PITPNM3: variants seen among roughly 807,000 people sequenced by gnomAD.
PITPNM3 encodes the protein membrane-associated phosphatidylinositol transfer protein 3.
A neutral mutation model predicts 102.0 loss-of-function variants in PITPNM3; 26 were observed. That is an observed-to-expected ratio of 0.25 (90% confidence interval 0.19 to 0.35). PITPNM3 has a LOEUF of 0.35. Ranked by LOEUF, PITPNM3 falls within the 10% of genes least tolerant of loss-of-function variation. The probability of loss-of-function intolerance (pLI) is 1.00; values close to 1 mark genes in which losing one functional copy is unlikely to be tolerated. For synonymous variants in PITPNM3, 578 were observed against 558.6 expected (o/e 1.03, Z -0.49); for missense variants, 1,083 against 1,346.1 (o/e 0.80, Z 3.06).
Position 6,477,095 on chromosome 17 carries a change from C to T in PITPNM3, c.1019G>A (p.Arg340Gln), listed in dbSNP as rs144563288. 9.3e-6 allele frequency: 15 copies of T among 1,613,992 alleles called. No homozygotes were observed. Among genetic ancestry groups the T allele is most frequent in the African/African-American group, 6.7e-5 (5 of 74,896 alleles). ...EDEEPKRPLP[R>Q]KQSDSSTYDC... ...ATAGGTGGAGGAGTCGCTCTGTTTC[C>T]GCGGCAACGGCCTCTTGGGCTCCTC... is the stretch of plus-strand genomic sequence containing the variant. The change falls in exon 9 of 20, where the codon CGG becomes CAG. Residue 340 changes from arginine (R) to glutamine (Q), a missense_variant. By Grantham distance (43) the Arg-to-Gln change is conservative. Around this residue, in one of 5 missense-constraint regions of PITPNM3, gnomAD observed 172 missense variants for 175.6 expected, o/e 0.98. Coordinates refer to ENST00000262483, the MANE Select transcript of PITPNM3 (RefSeq NM_031220.4).
intron 4 of PITPNM3, among the ~76,000 whole-genome samples, chr17:6,499,490 A>G (rs1456692004): frequency 6.6e-6 from 1 of 152,200 alleles, no homozygotes; most frequent in African/African-American, 2.4e-5. Flanking sequence ...AGGCAGCCGC[A>G]GGACCAGTAG....
intron 4 of PITPNM3, among the ~76,000 whole-genome samples, chr17:6,501,260 A>T (rs1002802954): frequency 3.9e-5 from 6 of 152,130 alleles, no homozygotes; most frequent in Non-Finnish European, 7.4e-5. Flanking sequence ...GAATGGGGTG[A>T]CACCCCTATA....
Position 6,457,554 on chromosome 17 carries a change from T to G in PITPNM3, c.2619+40A>C. ...ACTCCCTCTATCCCTTTCCCTGACC[T>G]CCCTCACAACTCCCCGCCTCCAGCC... On this transcript the variant is annotated intron_variant, in intron 19 of 19. Coordinates refer to ENST00000262483, the MANE Select transcript of PITPNM3 (RefSeq NM_031220.4). The surrounding 1 kb of genome is among the most constrained non-coding windows in gnomAD (Gnocchi z 4.7). 1 of 1,612,636 alleles carries G rather than the reference T, an allele frequency of 6.2e-7. No individual in the cohort carries two copies. Among genetic ancestry groups the G allele is most frequent in the Non-Finnish European group, 8.5e-7 (1 of 1,179,472 alleles).
At chr17:6,554,923 C>T (rs1276321282) in intron 1 of PITPNM3, among the ~76,000 whole-genome samples, 1 of 152,208 alleles carries the variant, frequency 6.6e-6, no homozygotes, top group Non-Finnish European at 1.5e-5. Flanking sequence ...ACTGCCGTTG[C>T]GATGACAGTG....
In PITPNM3 at chr17:6,553,833, G is replaced by A. The variant is rs574566729; in HGVS notation, c.22+2552C>T. ...GCAGGTGGTACTGAACAGCCACCCC[G>A]CTCTCTATGTTCTCCTTGGGCCTCA... On this transcript the variant is annotated intron_variant, in intron 1 of 19. Transcript: ENST00000262483. Among the ~76,000 whole-genome samples the A allele has an allele frequency of 5.9e-5, 9 of 151,936 alleles. No individual in the cohort carries two copies. The South Asian group carries it at 6.3e-4, about 11-fold the overall frequency.
chr17:6,451,644 G>A lies in PITPNM3; in HGVS notation c.*3694C>T, dbSNP rs919949015. On this transcript the variant is annotated 3_prime_UTR_variant, in exon 20 of 20. Transcript: ENST00000262483. Reference sequence around the variant, plus strand: ...TGGCCTGCCCCCCCTCGGGTCACCTGTTTCTCCTTTGCCCCAAAGAGGGTG... The same window carrying A: ...TGGCCTGCCCCCCCTCGGGTCACCTATTTCTCCTTTGCCCCAAAGAGGGTG... 3.3e-5 allele frequency: 5 copies of A among 152,236 alleles called. No homozygotes were observed. The highest frequency in any genetic ancestry group is 1.2e-4 in the African/African-American group (5 of 41,394). 9.4% of individuals were successfully genotyped at this position (152,236 alleles called of 1,614,324 possible).
At chr17:6,551,273 C>G (rs912915198) in intron 1 of PITPNM3, among the ~76,000 whole-genome samples, 6 of 151,876 alleles carry the variant, frequency 4.0e-5, no homozygotes, top group African/African-American at 1.5e-4. Context: ...GGGAGAATGG[C>G]GTGAACCCGG....
At chr17:6,488,076 C>T (rs894514175) in intron 4 of PITPNM3, among the ~76,000 whole-genome samples, 4 of 152,128 alleles carry the variant, frequency 2.6e-5, no homozygotes, top group Non-Finnish European at 5.9e-5. Flanking sequence ...CCAGAGCTTC[C>T]CCACAGAAAG....
chr17:6,462,936 T>C (rs1478773005), intron 17 of PITPNM3, among the ~76,000 whole-genome samples: 2 of 152,066 alleles, frequency 1.3e-5, no homozygotes, highest in East Asian at 3.9e-4. Flanking sequence ...GGGAGGATCA[T>C]GGACCCCCAG....
chr17:6,486,302 G>C (rs956151193), intron 4 of PITPNM3, among the ~76,000 whole-genome samples: 3 of 152,126 alleles, frequency 2.0e-5, no homozygotes, highest in Non-Finnish European at 4.4e-5. Flanking sequence ...AGATGAAGAT[G>C]GTCCTTGCCT....
intron 4 of PITPNM3, among the ~76,000 whole-genome samples, chr17:6,485,875 A>T (rs775345981): frequency 1.3e-5 from 2 of 152,266 alleles, no homozygotes; most frequent in Non-Finnish European, 1.5e-5. Context: ...TTATTGGAAC[A>T]CACTCAGGCT....
chr17:6,540,878 C>T (rs1287083604), intron 1 of PITPNM3, among the ~76,000 whole-genome samples: 2 of 152,130 alleles, frequency 1.3e-5, no homozygotes, highest in African/African-American at 4.8e-5. Flanking sequence ...AGGCTAGTCT[C>T]GAACTCCTGA....
chr17:6,489,097 G>A (rs190256665), intron 4 of PITPNM3, among the ~76,000 whole-genome samples: 5 of 152,262 alleles, frequency 3.3e-5, no homozygotes, highest in East Asian at 1.9e-4. Flanking sequence ...GGTACAAATC[G>A]TGATCATCCC....
intron 4 of PITPNM3, among the ~76,000 whole-genome samples, chr17:6,499,732 A>G (rs1300013044): frequency 7.9e-6 from 1 of 126,410 alleles, no homozygotes; most frequent in Non-Finnish European, 1.7e-5. Context: ...TTATTTATTT[A>G]TATTTTATTT....
chr17:6,543,428 C>T (rs919601938), intron 1 of PITPNM3, among the ~76,000 whole-genome samples: 1 of 152,224 alleles, frequency 6.6e-6, no homozygotes, highest in African/African-American at 2.4e-5. Context: ...CCCAAGGCAG[C>T]CCCAGCCCCA....
In PITPNM3 at chr17:6,455,387, G is replaced by T. The variant is rs922132273; in HGVS notation, c.2876C>A (p.Pro959Gln). 2.5e-6 allele frequency: 4 copies of T among 1,592,938 alleles called. No individual in the cohort carries two copies. Among genetic ancestry groups the T allele is most frequent in the Non-Finnish European group, 3.4e-6 (4 of 1,171,390 alleles). Residue 959 changes from proline (P) to glutamine (Q), a missense_variant, in exon 20 of 20, where the codon CCG (proline) becomes CAG (glutamine). Pro to Gln is a moderately conservative substitution (Grantham distance 76). Coordinates refer to ENST00000262483, the MANE Select transcript of PITPNM3 (RefSeq NM_031220.4). ...GGGCCCACGCGCCCAGCTGAGCGCCGGCAGCGGCCGCTCGTGGTCTTTGTC... is the reference window on the plus strand; with the variant it reads ...GGGCCCACGCGCCCAGCTGAGCGCCTGCAGCGGCCGCTCGTGGTCTTTGTC... ...ESDKDHERPL[P>Q]ALSWARGPPK... is the part of the protein sequence containing the mutation.
rs116879995 is a variant in PITPNM3 at position 6,469,603 on chromosome 17, T to A, written c.1773+657A>T. On this transcript the variant is annotated intron_variant, in intron 13 of 19. Transcript: ENST00000262483. The surrounding 1 kb of genome is among the most constrained non-coding windows in gnomAD (Gnocchi z 4.0). ...CCGTAATGCAAATCTTGCCACTCTGTGGCACCTCCACCCCCTGTCCTACTC... is the reference window on the plus strand; with the variant it reads ...CCGTAATGCAAATCTTGCCACTCTGAGGCACCTCCACCCCCTGTCCTACTC... Among the ~76,000 whole-genome samples, 71 of 152,278 alleles carry A rather than the reference T, an allele frequency of 4.7e-4. 1 individual carries two copies. The East Asian group carries it at 0.012, about 26-fold the overall frequency.
At chr17:6,524,681 A>G (rs1908724435) in intron 3 of PITPNM3, among the ~76,000 whole-genome samples, 1 of 152,172 alleles carries the variant, frequency 6.6e-6, no homozygotes, top group South Asian at 2.1e-4. Context: ...ATCTTGACTT[A>G]TACGTGTCAC....
At position 6,517,948 on chromosome 17, in the gene PITPNM3, TA is replaced by T. The variant is rs1288094506; in HGVS notation, c.226+7407del. ...TATATAAGAAATTTGATGGTGTCAATAAAAAACAAGAAAAGGGGAAGGAGAA... is the reference window on the plus strand; with the variant it reads ...TATATAAGAAATTTGATGGTGTCAATAAAAACAAGAAAAGGGGAAGGAGAA... On this transcript the variant is annotated intron_variant, in intron 3 of 19. Transcript: ENST00000262483. The surrounding 1 kb of genome is among the most constrained non-coding windows in gnomAD (Gnocchi z 4.1). Among the ~76,000 whole-genome samples, 2 of 152,104 alleles carry T rather than the reference TA, an allele frequency of 1.3e-5. No individual in the cohort carries two copies. The highest frequency in any genetic ancestry group is 1.9e-4 in the East Asian group (1 of 5,200).
Sources: gnomAD v4.1 joint callset for allele counts (sites outside exome capture counted in the v4.1 genomes callset) on GRCh38, gnomAD v4.1.1 for gene constraint, gnomAD v4.1.1 regional missense constraint, Gnocchi (gnomAD v3.1) non-coding constraint, MANE v1.5 for transcripts, NCBI Gene and HGNC (gene_info 2026-07-23, HGNC 2026-07-21) for gene names.